The following GRM5 variants were observed in gnomAD, a reference collection of about 807,000 sequenced individuals.
GRM5 encodes the protein metabotropic glutamate receptor 5.
A neutral mutation model predicts 83.1 loss-of-function variants in GRM5; 19 were observed. The observed-to-expected ratio is 0.23, with a 90% confidence interval of 0.16 to 0.34. The LOEUF is 0.34. Among genes scored for constraint, GRM5 ranks in the 10% least tolerant of loss-of-function variants. The pLI, the probability that GRM5 is intolerant of heterozygous loss-of-function variation, is 1.00. For synonymous variants in GRM5, 675 were observed against 633.6 expected, an observed-to-expected ratio of 1.07 and a Z score of -0.98; for missense variants, 1,160 against 1,588.3, an observed-to-expected ratio of 0.73 and a Z score of 4.58.
rs141645433 is a variant in GRM5 at position 88,539,192 on chromosome 11, G to T, written c.2631-13788C>A. 8.8e-3 allele frequency among the ~76,000 whole-genome samples: 1,343 copies of T among 152,278 alleles called. 27 individuals carry two copies. Among genetic ancestry groups the T allele is most frequent in the African/African-American group, 0.031 (1,283 of 41,552 alleles). On this transcript the variant is annotated intron_variant, in intron 8 of 9. Coordinates refer to ENST00000305447, the MANE Select transcript of GRM5 (RefSeq NM_001143831.3). ...GAAGCAGATTTGCTCTAAAGCTGAT[G>T]GAGTATCAGGGTCCCTCACTCACAG... is the stretch of plus-strand genomic sequence containing the variant.
At chr11:89,046,793 G>A in intron 2 of GRM5, among the ~76,000 whole-genome samples, 1 of 152,106 alleles carries the variant, frequency 6.6e-6, no homozygotes, top group East Asian at 1.9e-4. Flanking sequence ...TCAATCCTAT[G>A]TGTATTTATG....
At chr11:88,867,138 G>A (rs1350968332) in intron 2 of GRM5, among the ~76,000 whole-genome samples, 14 of 151,770 alleles carry the variant, frequency 9.2e-5, no homozygotes, top group East Asian at 3.9e-4. Context: ...GTCAGGTGGC[G>A]TGATGCCTCC....
rs1225650677 is a variant in GRM5, at chr11:89,020,530, A to T, written c.661+26682T>A. 1.3e-5 allele frequency among the ~76,000 whole-genome samples: 2 copies of T among 152,200 alleles called. 1 individual carries two copies. The highest frequency in any genetic ancestry group is 6.3e-3 in the Middle Eastern group (2 of 316). ...AGAATTAAAACTATAACACTGTTAG[A>T]GGAGTAAAAACAAGCCAAATTATGG... On this transcript the variant is annotated intron_variant, in intron 2 of 9. Transcript: ENST00000305447.
At chr11:88,618,752 T>C (rs896030176) in intron 4 of GRM5, among the ~76,000 whole-genome samples, 1 of 152,218 alleles carries the variant, frequency 6.6e-6, no homozygotes, top group African/African-American at 2.4e-5. Context: ...TCTTTTCTTA[T>C]CCAGTAAATG....
At chr11:88,913,170 A>G (rs577902939) in intron 2 of GRM5, among the ~76,000 whole-genome samples, 10 of 152,118 alleles carry the variant, frequency 6.6e-5, no homozygotes, top group African/African-American at 2.4e-4. Flanking sequence ...TTTGTCAATG[A>G]CCATGTTAGA....
intron 7 of GRM5, among the ~76,000 whole-genome samples, chr11:88,575,117 C>G (rs956783550): frequency 6.6e-6 from 1 of 150,942 alleles, no homozygotes; most frequent in African/African-American, 2.4e-5. Flanking sequence ...TGATTGCTTT[C>G]TCCAATAAAA....
At chr11:88,925,934 T>G (rs1467269540) in intron 2 of GRM5, 1 of 275,694 alleles carries the variant, frequency 3.6e-6, no homozygotes, top group Non-Finnish European at 7.3e-6. Context: ...GTGAGGCACA[T>G]TTCTTCTTTT....
At chr11:88,969,484 A>G (rs1046600255) in intron 2 of GRM5, among the ~76,000 whole-genome samples, 1 of 152,102 alleles carries the variant, frequency 6.6e-6, no homozygotes, top group African/African-American at 2.4e-5. Flanking sequence ...ACTGAAACCA[A>G]TCAGTGATCT....
In GRM5 at chr11:88,858,227, G is replaced by A. The variant is rs144420681; in HGVS notation, c.662-8072C>T. Among the ~76,000 whole-genome samples the A allele has an allele frequency of 8.1e-3, 1,234 of 152,092 alleles. 20 individuals carry two copies. Among genetic ancestry groups the A allele is most frequent in the African/African-American group, 0.027 (1,135 of 41,504 alleles). On this transcript the variant is annotated intron_variant, in intron 2 of 9. Coordinates refer to ENST00000305447, the MANE Select transcript of GRM5 (RefSeq NM_001143831.3). ...TATTACTCTAGGAATGGATTATGTC[G>A]TAACATTTGATGAACTCTTCAACAG...
intron 3 of GRM5, among the ~76,000 whole-genome samples, chr11:88,756,358 C>T (rs1376534461): frequency 6.6e-6 from 1 of 152,036 alleles, no homozygotes; most frequent in Admixed American, 6.6e-5. Flanking sequence ...CATTATAATT[C>T]AAGATTTTAG....
chr11:88,842,961 C>T (rs1328443090), intron 3 of GRM5, among the ~76,000 whole-genome samples: 1 of 152,194 alleles, frequency 6.6e-6, no homozygotes, highest in Non-Finnish European at 1.5e-5. Flanking sequence ...TCCCAAAGAC[C>T]TCAGTAAAGG....
chr11:88,730,255 C>T (rs759831800), intron 3 of GRM5, among the ~76,000 whole-genome samples: 1 of 152,046 alleles, frequency 6.6e-6, no homozygotes, highest in Non-Finnish European at 1.5e-5. Flanking sequence ...TTTATGCGGC[C>T]AACAAACATA....
chr11:89,016,582 G>T lies in GRM5; in HGVS notation c.661+30630C>A, dbSNP rs571398608. ...ATTTAAGTGTCCCTGAAAAGTAATTGTTATCTCCTGTTTGAGAAAGGATGA... is the reference window on the plus strand; with the variant it reads ...ATTTAAGTGTCCCTGAAAAGTAATTTTTATCTCCTGTTTGAGAAAGGATGA... On this transcript the variant is annotated intron_variant, in intron 2 of 9. Transcript: ENST00000305447. Among the ~76,000 whole-genome samples, 11 of 152,174 alleles carry T rather than the reference G, an allele frequency of 7.2e-5. No individual in the cohort carries two copies. The East Asian group carries it at 2.1e-3, about 29-fold the overall frequency.
intron 8 of GRM5, among the ~76,000 whole-genome samples, chr11:88,536,296 G>T (rs1244843552): frequency 1.3e-5 from 2 of 151,932 alleles, no homozygotes; most frequent in Non-Finnish European, 1.5e-5. Context: ...AAAAGAAAAT[G>T]AACCTCAGTG....
intron 8 of GRM5, among the ~76,000 whole-genome samples, chr11:88,546,799 T>C (rs1942394391): frequency 6.6e-6 from 1 of 152,026 alleles, no homozygotes; most frequent in Admixed American, 6.6e-5. Flanking sequence ...CAAGAACAAT[T>C]TGAGTGGTGA....
intron 1 of GRM5, among the ~76,000 whole-genome samples, chr11:89,056,388 C>T (rs1461833324): frequency 6.6e-6 from 1 of 152,058 alleles, no homozygotes; most frequent in Non-Finnish European, 1.5e-5. Flanking sequence ...TCCTGTGCAA[C>T]GTCACCACAA....
At chr11:88,524,192 T>C (rs1413542763) in intron 9 of GRM5, 1 of 96,668 alleles carries the variant, frequency 1.0e-5, no homozygotes, top group Non-Finnish European at 2.0e-5. Context: ...TTTTTTCTTT[T>C]TCTTTCTTTC....
chr11:88,836,326 T>C (rs11021534), intron 3 of GRM5, among the ~76,000 whole-genome samples: 2 of 152,100 alleles, frequency 1.3e-5, no homozygotes, highest in East Asian at 1.9e-4. Flanking sequence ...CGTACAAAAA[T>C]AGAATTCAGC....
At position 88,810,911 on chromosome 11, in the gene GRM5, T is replaced by C. The variant is rs16914935; in HGVS notation, c.911+38995A>G. ...TGTCACAACTTAAGAGAAACAGAAC[T>C]GGAATTAGGAAATCTGGTTGTGCTA... is the stretch of plus-strand genomic sequence containing the variant. On this transcript the variant is annotated intron_variant, in intron 3 of 9. Transcript: ENST00000305447. 3.6e-3 allele frequency among the ~76,000 whole-genome samples: 552 copies of C among 152,250 alleles called. 3 individuals are homozygous for C. The highest frequency in any genetic ancestry group is 0.012 in the African/African-American group (516 of 41,566).
Sources: gnomAD v4.1 joint callset for allele counts (sites outside exome capture counted in the v4.1 genomes callset) on GRCh38, gnomAD v4.1.1 for gene constraint, MANE v1.5 for transcripts, NCBI Gene and HGNC (gene_info 2026-07-23, HGNC 2026-07-21) for gene names.